The following THSD1 variants were observed in gnomAD, a reference collection of about 807,000 sequenced individuals.
THSD1 encodes thrombospondin type-1 domain-containing protein 1.
THSD1 carries 34 observed loss-of-function variants against 46.3 expected under a neutral mutation model. The ratio of observed to expected loss-of-function variants is 0.74; its 90% CI spans 0.56 to 0.98. The LOEUF (loss-of-function observed/expected upper bound fraction) is 0.98. THSD1 is among the 50% of genes least tolerant of loss of function. The pLI, the probability that THSD1 is intolerant of heterozygous loss-of-function variation, is 0.00. For missense variants in THSD1, 1,023 were observed against 1,058.3 expected, an observed-to-expected ratio of 0.97 and a Z score of 0.46; for synonymous variants, 407 against 416.5, an observed-to-expected ratio of 0.98 and a Z score of 0.28.
In THSD1 at chr13:52,378,557, C is replaced by T. The variant is rs376444830; in HGVS notation, c.1413G>A (p.Leu471=). Residue 471 remains leucine, a synonymous_variant, in exon 5 of 5, where the codon CTG becomes CTA. Transcript: ENST00000258613. ...CCGAGAAGCTCCCGCGCTGCTCGCT[C>T]AGCTCGCAGATATTCTCCTCGTCCG... ...KNSDEENICE[L]SEQRGSFSDG... 35 of 1,614,166 alleles carry T rather than the reference C, an allele frequency of 2.2e-5. No individual in the cohort carries two copies. In the Middle Eastern group the frequency reaches 1.5e-3, roughly 68 times the overall value.
At chr13:52,391,828 C>T (rs2137737254) in intron 3 of THSD1, among the ~76,000 whole-genome samples, 1 of 151,968 alleles carries the variant, frequency 6.6e-6, no homozygotes, top group South Asian at 2.1e-4. Context: ...CAGGCGTGAG[C>T]CACCGCAGCC....
intron 3 of THSD1, among the ~76,000 whole-genome samples, chr13:52,396,796 G>C (rs1957815461): frequency 6.6e-6 from 1 of 152,170 alleles, no homozygotes; most frequent in South Asian, 2.1e-4. Context: ...TAAGAGAAGA[G>C]ACATGCTCAG....
chr13:52,378,750 C>T lies in THSD1; in HGVS notation c.1220G>A (p.Gly407Asp), dbSNP rs1293891117. The change falls in exon 5 of 5, where the codon GGT (glycine) becomes GAT (aspartate). Residue 407 changes from glycine (G) to aspartate (D), a missense_variant. Transcript: ENST00000258613. ...PSSPSPLQPQ[G>D]PVKSNNIVTV... ...CACGATGTTGTTGGACTTCACTGGA[C>T]CCTGGGGCTGAAGAGGAGATGGGCT... 1.2e-6 allele frequency: 2 copies of T among 1,610,850 alleles called. No individual in the cohort carries two copies. The highest frequency in any genetic ancestry group is 1.7e-6 in the Non-Finnish European group (2 of 1,179,360).
chr13:52,399,520 TTA>T (rs765297943), intron 2 of THSD1, among the ~76,000 whole-genome samples: 10 of 152,146 alleles, frequency 6.6e-5, no homozygotes, highest in Admixed American at 1.3e-4. Context: ...TAAAATACCC[TTA>T]TATATATGCA....
Position 52,378,656 on chromosome 13 carries a change from C to A in THSD1, c.1314G>T (p.Arg438Ser), listed in dbSNP as rs1249929003. 4 of 1,614,078 alleles carry A rather than the reference C, an allele frequency of 2.5e-6. No homozygotes were observed. Among genetic ancestry groups the A allele is most frequent in the Non-Finnish European group, 3.4e-6 (4 of 1,180,026 alleles). ...TGCTGCACTTGGCTGGCCGGCCGAA[C>A]CTCCTCCACAGCGTGATGAGCACAG... ...IATVLITLWRRFGRPAKCSTP... is the reference protein window; with the variant it reads ...IATVLITLWRSFGRPAKCSTP... Residue 438 changes from arginine to serine, a missense_variant, in exon 5 of 5, where the codon AGG becomes AGT. Around this residue, in one of 3 missense-constraint regions of THSD1, gnomAD observed 578 missense variants for 497.4 expected, o/e 1.16. Coordinates refer to ENST00000258613, the MANE Select transcript of THSD1 (RefSeq NM_018676.4).
chr13:52,404,225 C>T (rs138648535), intron 1 of THSD1, among the ~76,000 whole-genome samples: 1 of 152,072 alleles, frequency 6.6e-6, no homozygotes, highest in African/African-American at 2.4e-5. Context: ...GGATTACAGG[C>T]GTGAGCCACC....
intron 1 of THSD1, among the ~76,000 whole-genome samples, chr13:52,405,041 T>A (rs1461734338): frequency 6.6e-6 from 1 of 152,224 alleles, no homozygotes; most frequent in Non-Finnish European, 1.5e-5. Context: ...TTGTTCTCAA[T>A]ACCTCGACTG....
chr13:52,380,171 G>A (rs991758636), intron 4 of THSD1, among the ~76,000 whole-genome samples: 1 of 151,924 alleles, frequency 6.6e-6, no homozygotes, highest in Non-Finnish European at 1.5e-5. Context: ...GCACCACCTG[G>A]AGCCTCCACC....
chr13:52,398,613 C>G, intron 2 of THSD1: 1 of 985,292 alleles, frequency 1.0e-6, no homozygotes, highest in Non-Finnish European at 1.2e-6. Context: ...GAGCACAGAT[C>G]CTGGAAGCTG....
chr13:52,390,927 T>TA lies in THSD1; in HGVS notation c.1022-4742dup, dbSNP rs1299461823. ...ATCAGAAAAAAAATCAGTTTTGATT[T>TA]AAAAAAGTATATTTGTTAGATTAAA... On this transcript the variant is annotated intron_variant, in intron 3 of 4. Coordinates refer to ENST00000258613, the MANE Select transcript of THSD1 (RefSeq NM_018676.4). Among the ~76,000 whole-genome samples the TA allele has an allele frequency of 3.9e-5, 6 of 152,242 alleles. No homozygotes were observed. The East Asian group carries it at 7.7e-4, about 20-fold the overall frequency.
At chr13:52,378,950 C>T (rs1328748445) in intron 4 of THSD1, among the ~76,000 whole-genome samples, 161 bp from the exon 5 acceptor site, 2 of 149,374 alleles carry the variant, frequency 1.3e-5, no homozygotes, top group Admixed American at 1.3e-4. Flanking sequence ...GCAACCTCCG[C>T]CTCCCAGGCT....
At chr13:52,392,860 T>C (rs1338871203) in intron 3 of THSD1, among the ~76,000 whole-genome samples, 1 of 152,228 alleles carries the variant, frequency 6.6e-6, no homozygotes, top group Non-Finnish European at 1.5e-5. Flanking sequence ...CAGATTTTCT[T>C]TGCATAGACA....
chr13:52,402,594 G>C lies in THSD1; in HGVS notation c.7C>G (p.Pro3Ala). 1 of 1,613,750 alleles carries C rather than the reference G, an allele frequency of 6.2e-7. No homozygotes were observed. The highest frequency in any genetic ancestry group is 8.5e-7 in the Non-Finnish European group (1 of 1,179,804). The change falls in exon 2 of 5, where the codon CCA becomes GCA. Residue 3 changes from proline (P) to alanine (A), a missense_variant. By Grantham distance (27) the Pro-to-Ala change is conservative. Around this residue, in one of 3 missense-constraint regions of THSD1, gnomAD observed 429 missense variants for 518.3 expected, o/e 0.83. Transcript: ENST00000258613. The stretch of plus-strand genomic sequence containing the variant: ...AGATTTGAAAAGTCTTTCAACATTG[G>C]TTTCATTCTGATTGACAAAATCCCA... MK[P>A]MLKDFSNLLL...
chr13:52,378,015 C>T lies in THSD1; in HGVS notation c.1955G>A (p.Arg652Lys), dbSNP rs1212337102. The T allele has an allele frequency of 6.2e-7, 1 of 1,614,046 alleles. No individual in the cohort carries two copies. The highest frequency in any genetic ancestry group is 1.7e-5 in the Admixed American group (1 of 59,996). ...RSHARNAHFRRTASFHEARQA... is the reference protein window; with the variant it reads ...RSHARNAHFRKTASFHEARQA... The stretch of plus-strand genomic sequence containing the variant: ...CCTGGCTTCATGGAAACTCGCTGTC[C>T]TCCTGAAATGGGCGTTCCTGGCATG... The change falls in exon 5 of 5, where the codon AGG becomes AAG. Residue 652 changes from arginine to lysine, a missense_variant. Physicochemically the swap from Arg to Lys is conservative, Grantham distance 26. Coordinates refer to ENST00000258613, the MANE Select transcript of THSD1 (RefSeq NM_018676.4).
At chr13:52,388,158 G>A in intron 3 of THSD1, among the ~76,000 whole-genome samples, 1 of 149,394 alleles carries the variant, frequency 6.7e-6, no homozygotes, top group Non-Finnish European at 1.5e-5. Flanking sequence ...CTAAAGTACT[G>A]AAAGAAAAAG....
At chr13:52,400,643 C>A (rs1329529381) in intron 2 of THSD1, among the ~76,000 whole-genome samples, 1 of 152,116 alleles carries the variant, frequency 6.6e-6, no homozygotes, top group African/African-American at 2.4e-5. Flanking sequence ...CAATTTGGTT[C>A]TACCACATCC....
At position 52,386,055 on chromosome 13, in the gene THSD1, A is replaced by T. The variant is rs1957728058; in HGVS notation, c.1153T>A (p.Ser385Thr). ...GCACACTCCTCCAGGGAACACAGGG[A>T]GGCCTCCAAGGACATTCCAGGGCAG... ...PVCPGMSLEA[S>T]LCSLEECAAF... The change falls in exon 4 of 5, where the codon TCC becomes ACC. Residue 385 changes from serine to threonine, a missense_variant. Ser to Thr is a moderately conservative substitution (Grantham distance 58). Coordinates refer to ENST00000258613, the MANE Select transcript of THSD1 (RefSeq NM_018676.4). 1 of 1,614,108 alleles carries T rather than the reference A, an allele frequency of 6.2e-7. No homozygotes were observed. The highest frequency in any genetic ancestry group is 1.3e-5 in the African/African-American group (1 of 75,030).
intron 4 of THSD1, 129 bp downstream of exon 4, chr13:52,385,899 C>T (rs985684300): frequency 1.3e-6 from 1 of 786,786 alleles, no homozygotes; most frequent in Non-Finnish European, 2.0e-6. Context: ...GTACAACCAA[C>T]AGCAATCACA....
intron 3 of THSD1, among the ~76,000 whole-genome samples, chr13:52,390,140 C>A (rs371586119): frequency 5.4e-4 from 75 of 138,370 alleles, no homozygotes; most frequent in Non-Finnish European, 5.3e-4. Context: ...GACATTGTCT[C>A]AAAAAAAAAA....
Sources: gnomAD v4.1 joint callset for allele counts (sites outside exome capture counted in the v4.1 genomes callset) on GRCh38, gnomAD v4.1.1 for gene constraint, gnomAD v4.1.1 regional missense constraint, MANE v1.5 for transcripts, NCBI Gene and HGNC (gene_info 2026-07-23, HGNC 2026-07-21) for gene names.